DNAH11: variants seen among roughly 807,000 people sequenced by gnomAD.
DNAH11 encodes dynein axonemal heavy chain 11, also known as axonemal beta dynein heavy chain 11.
DNAH11 carries 442 observed loss-of-function variants against 526.0 expected under a neutral mutation model. That is an observed-to-expected ratio of 0.84 (90% CI 0.78 to 0.91). The LOEUF is 0.91. Ranked by LOEUF, DNAH11 falls within the 40% of genes least tolerant of loss-of-function variation. DNAH11 has a pLI of 0.00. For synonymous variants in DNAH11, 2,461 were observed against 1,935.9 expected, an observed-to-expected ratio of 1.27 and a Z score of -7.12; for missense variants, 6,989 against 5,448.7, an observed-to-expected ratio of 1.28 and a Z score of -8.90.
chr7:21,552,435 G>A (rs1015872722), intron 2 of DNAH11, among the ~76,000 whole-genome samples: 35 of 152,026 alleles, frequency 2.3e-4, no homozygotes, highest in Non-Finnish European at 7.4e-5. Context: ...TTTATTCTTC[G>A]CTTCCCTTTA....
chr7:21,879,967 C>T (rs984175613), intron 74 of DNAH11, among the ~76,000 whole-genome samples: 14 of 151,644 alleles, frequency 9.2e-5, no homozygotes, highest in Admixed American at 6.6e-5. Flanking sequence ...CACCTGTAAT[C>T]GCAGCTACTC....
intron 25 of DNAH11, among the ~76,000 whole-genome samples, chr7:21,624,084 A>G (rs1442865284): frequency 6.6e-6 from 1 of 152,056 alleles, no homozygotes; most frequent in Non-Finnish European, 1.5e-5. Flanking sequence ...CACCTCAAAC[A>G]CTGTTGCATT....
chr7:21,714,691 A>G (rs1185046098), intron 42 of DNAH11, among the ~76,000 whole-genome samples: 1 of 152,210 alleles, frequency 6.6e-6, no homozygotes, highest in Admixed American at 6.5e-5. Context: ...AAAGTTGGAA[A>G]GGTAGTACAA....
chr7:21,740,160 T>C (rs1455555382), intron 48 of DNAH11, among the ~76,000 whole-genome samples: 2 of 152,238 alleles, frequency 1.3e-5, no homozygotes, highest in African/African-American at 4.8e-5. Context: ...TTCCTCTCTC[T>C]TTTCCCTCTG....
In DNAH11 at chr7:21,683,958, G is replaced by C. The variant is rs997856850; in HGVS notation, c.5621+14G>C. On this transcript the variant is annotated intron_variant, in intron 32 of 81. Coordinates refer to ENST00000409508, the MANE Select transcript of DNAH11 (RefSeq NM_001277115.2). ...TCTAACTGACAGGTAACAATTCAAA[G>C]TTTCCGTCCAGATAGGAAAAACAAC... is the stretch of plus-strand genomic sequence containing the variant. The C allele has an allele frequency of 1.9e-6, 3 of 1,611,666 alleles. No homozygotes were observed. Among genetic ancestry groups the C allele is most frequent in the Non-Finnish European group, 2.5e-6 (3 of 1,178,886 alleles).
chr7:21,788,638 C>G (rs1279846387), intron 60 of DNAH11, among the ~76,000 whole-genome samples: 2 of 152,106 alleles, frequency 1.3e-5, no homozygotes, highest in East Asian at 3.9e-4. Flanking sequence ...ACAACATGTG[C>G]TTAAGGTGGT....
chr7:21,808,954 C>G (rs1476285624), intron 63 of DNAH11, among the ~76,000 whole-genome samples: 1 of 152,168 alleles, frequency 6.6e-6, no homozygotes, highest in Non-Finnish European at 1.5e-5. Flanking sequence ...GAGGAACCTC[C>G]ATACTGTTTT....
At position 21,549,383 on chromosome 7, in the gene DNAH11, C is replaced by CTGTCTGGATT. The variant is rs140988303; in HGVS notation, c.495+4235_495+4236insGTCTGGATTT. Among the ~76,000 whole-genome samples the CTGTCTGGATT allele has an allele frequency of 2.7e-3, 417 of 151,834 alleles. 1 individual carries two copies. Among genetic ancestry groups the CTGTCTGGATT allele is most frequent in the African/African-American group, 9.7e-3 (401 of 41,402 alleles). ...TGACCCAGGCATTCATATTCCCATA[C>CTGTCTGGATT]TCTAAGGTTTGCTTTAAATCCTTTA... is the stretch of plus-strand genomic sequence containing the variant. On this transcript the variant is annotated intron_variant, in intron 2 of 81. Coordinates refer to ENST00000409508, the MANE Select transcript of DNAH11 (RefSeq NM_001277115.2).
At chr7:21,805,161 C>G (rs1167902561) in intron 62 of DNAH11, among the ~76,000 whole-genome samples, 2 of 152,212 alleles carry the variant, frequency 1.3e-5, no homozygotes, top group African/African-American at 2.4e-5. Flanking sequence ...AAGACCCCCA[C>G]TCGTTCACAC....
intron 23 of DNAH11, 122 bp from the exon 24 acceptor site, chr7:21,618,978 A>C (rs915953017): frequency 8.0e-7 from 1 of 1,242,696 alleles, no homozygotes; most frequent in African/African-American, 1.5e-5. Context: ...TTTCAAGACG[A>C]GAGATGTACT....
chr7:21,776,407 G>GA lies in DNAH11; in HGVS notation c.9336+2410dup, dbSNP rs750344423. The stretch of plus-strand genomic sequence containing the variant: ...ATGGTTTCCTATGTGGAGAATTGGA[G>GA]AACCATATTGCAGAAGATCAGGTTG... On this transcript the variant is annotated intron_variant, in intron 56 of 81. Transcript: ENST00000409508. Among the ~76,000 whole-genome samples the GA allele has an allele frequency of 2.6e-5, 4 of 152,200 alleles. No homozygotes were observed. The South Asian group carries it at 8.3e-4, about 32-fold the overall frequency.
chr7:21,777,547 G>A (rs759128520), intron 56 of DNAH11, among the ~76,000 whole-genome samples: 1 of 152,128 alleles, frequency 6.6e-6, no homozygotes, highest in Non-Finnish European at 1.5e-5. Flanking sequence ...GTGTATGAGA[G>A]AGCCAGTTTC....
chr7:21,683,823 C>G lies in DNAH11; in HGVS notation c.5500C>G (p.Arg1834Gly). Reference protein sequence around the residue: ...PQAFTWLSQLRHRWEDTQKHC... With the variant: ...PQAFTWLSQLGHRWEDTQKHC... ...AGCTTTTACATGGCTGTCTCAACTT[C>G]GTCACCGATGGGAGGATACCCAGAA... is the stretch of plus-strand genomic sequence containing the variant. Residue 1834 changes from arginine (R) to glycine (G), a missense_variant, in exon 32 of 82, where the codon CGT (arginine) becomes GGT (glycine). Physicochemically the swap from Arg to Gly is moderately radical, Grantham distance 125. Coordinates refer to ENST00000409508, the MANE Select transcript of DNAH11 (RefSeq NM_001277115.2). 1.2e-6 allele frequency: 2 copies of G among 1,611,590 alleles called. No homozygotes were observed. Among genetic ancestry groups the G allele is most frequent in the Non-Finnish European group, 1.7e-6 (2 of 1,178,730 alleles).
intron 68 of DNAH11, among the ~76,000 whole-genome samples, chr7:21,861,286 T>A (rs546414027): frequency 5.9e-5 from 9 of 152,270 alleles, no homozygotes; most frequent in Non-Finnish European, 1.0e-4. Flanking sequence ...TAGTATGGAC[T>A]GCCGCATGTA....
At chr7:21,817,519 C>CAAAAAAAAAAAAAAAAAAAAAAAACA in intron 64 of DNAH11, among the ~76,000 whole-genome samples, 1 of 86,432 alleles carries the variant, frequency 1.2e-5, no homozygotes, top group Non-Finnish European at 2.3e-5. Flanking sequence ...CCATCTCTAC[C>CAAAAAAAAAAAAAAAAAAAAAAAACA]AAAAAAAAAA....
chr7:21,743,088 A>G lies in DNAH11; in HGVS notation c.8154+922A>G, dbSNP rs566473284. Among the ~76,000 whole-genome samples the G allele has an allele frequency of 2.0e-5, 3 of 152,324 alleles. No individual in the cohort carries two copies. In the East Asian group the frequency reaches 5.8e-4, roughly 29 times the overall value. On this transcript the variant is annotated intron_variant, in intron 49 of 81. Transcript: ENST00000409508. The stretch of plus-strand genomic sequence containing the variant: ...CACCTCCTAAAGGCCTCACCTCTTA[A>G]TATTGTTACATGGGCAATTAAGTTT...
At chr7:21,597,835 T>C (rs746081649) in intron 14 of DNAH11, among the ~76,000 whole-genome samples, 6 of 152,202 alleles carry the variant, frequency 3.9e-5, no homozygotes, top group Non-Finnish European at 8.8e-5. Context: ...TCTTCAGCTG[T>C]AAGATCTATA....
In DNAH11 at chr7:21,790,333, C is replaced by T. The variant is rs542547649; in HGVS notation, c.10026+991C>T. On this transcript the variant is annotated intron_variant, in intron 61 of 81. Coordinates refer to ENST00000409508, the MANE Select transcript of DNAH11 (RefSeq NM_001277115.2). ...GGCGTCATGGCGGGTGACTGTAGTC[C>T]CAGCTACTCAGGAGGCTGAGGCAGG... Among the ~76,000 whole-genome samples the T allele has an allele frequency of 3.9e-5, 6 of 152,030 alleles. No homozygotes were observed. The East Asian group carries it at 1.2e-3, about 29-fold the overall frequency.
In DNAH11 at chr7:21,818,349, C is replaced by T. The variant is rs1342269567; in HGVS notation, c.10691+10C>T. 1 of 1,605,598 alleles carries T rather than the reference C, an allele frequency of 6.2e-7. No homozygotes were observed. Among genetic ancestry groups the T allele is most frequent in the Non-Finnish European group, 8.5e-7 (1 of 1,177,010 alleles). The stretch of plus-strand genomic sequence containing the variant: ...CAATTAAAAAAGGAAAGTAAGTATT[C>T]TTGAATTTTTAACATATATATCTTG... On this transcript the variant is annotated intron_variant, in intron 65 of 81. Transcript: ENST00000409508.
Sources: allele counts gnomAD v4.1 joint callset (sites outside exome capture counted in the v4.1 genomes callset), GRCh38; gene constraint gnomAD v4.1.1; transcripts MANE v1.5; gene names NCBI Gene and HGNC (gene_info 2026-07-23, HGNC 2026-07-21).